PDZRN4: variants seen among roughly 807,000 people sequenced by gnomAD.
The protein encoded by PDZRN4 is PDZ domain containing ring finger 4, also known as PDZ domain-containing RING finger protein 4.
Under a neutral mutation model 99.0 loss-of-function variants are expected in PDZRN4, and 70 were observed. That is an observed-to-expected ratio of 0.71 (90% CI 0.58 to 0.86). The LOEUF (loss-of-function observed/expected upper bound fraction) is 0.86, where lower values mean the gene tolerates loss of function less well. Among genes scored for constraint, PDZRN4 ranks in the 40% least tolerant of loss-of-function variants. The pLI is 0.00. For missense variants in PDZRN4, 1,474 were observed against 1,331.2 expected, an observed-to-expected ratio of 1.11 and a Z score of -1.67; for synonymous variants, 551 against 501.6, an observed-to-expected ratio of 1.10 and a Z score of -1.32.
At chr12:41,546,239 CCTT>C (rs1302218643) in intron 5 of PDZRN4, among the ~76,000 whole-genome samples, 1 of 152,150 alleles carries the variant, frequency 6.6e-6, no homozygotes, top group African/African-American at 2.4e-5. Context: ...CCACAATTGA[CCTT>C]CTTCTGGATG....
At chr12:41,432,260 T>C (rs1436700013) in intron 3 of PDZRN4, among the ~76,000 whole-genome samples, 3 of 152,240 alleles carry the variant, frequency 2.0e-5, no homozygotes, top group Admixed American at 6.5e-5. Context: ...GTCACCGATG[T>C]TTTTCTTTCA....
rs1011573523 is a variant in PDZRN4, at chr12:41,536,557, C to T, written c.1204-16099C>T. On this transcript the variant is annotated intron_variant, in intron 5 of 9. Coordinates refer to ENST00000402685, the MANE Select transcript of PDZRN4 (RefSeq NM_001164595.2). ...CAGAATGTACAATACCAAGAGTGAA[C>T]CCTAATATCAACCATGGACTTTGAG... Among the ~76,000 whole-genome samples the T allele has an allele frequency of 3.3e-5, 5 of 152,118 alleles. No individual in the cohort carries two copies. In the South Asian group the frequency reaches 8.3e-4, roughly 25 times the overall value.
intron 3 of PDZRN4, among the ~76,000 whole-genome samples, chr12:41,330,281 GAAGA>G (rs985980340): frequency 1.3e-5 from 2 of 152,008 alleles, no homozygotes; most frequent in Admixed American, 6.6e-5. Flanking sequence ...TTCTCCAATA[GAAGA>G]AAGAGTTATC....
chr12:41,498,175 A>G (rs1240138796), intron 3 of PDZRN4, among the ~76,000 whole-genome samples: 1 of 151,962 alleles, frequency 6.6e-6, no homozygotes, highest in Non-Finnish European at 1.5e-5. Flanking sequence ...TGTTAACATC[A>G]CCAGTAATAG....
chr12:41,571,649 C>T (rs1939482931), intron 9 of PDZRN4, among the ~76,000 whole-genome samples: 1 of 152,080 alleles, frequency 6.6e-6, no homozygotes, highest in Admixed American at 6.6e-5. Flanking sequence ...ATTTAGAGTG[C>T]ACTGAGGTCA....
intron 3 of PDZRN4, among the ~76,000 whole-genome samples, chr12:41,302,571 C>A (rs1404436947): frequency 6.6e-6 from 1 of 152,074 alleles, no homozygotes; most frequent in Admixed American, 6.6e-5. Flanking sequence ...TTAAATTGTT[C>A]TCTAGGGAGT....
intron 3 of PDZRN4, among the ~76,000 whole-genome samples, chr12:41,413,521 A>T (rs1952416154): frequency 6.6e-6 from 1 of 152,154 alleles, no homozygotes; most frequent in Non-Finnish European, 1.5e-5. Flanking sequence ...AGGAGGATTG[A>T]ATGTTCCCCA....
intron 3 of PDZRN4, among the ~76,000 whole-genome samples, chr12:41,267,026 TTGCTCATGAAACTC>T (rs1192320338): frequency 2.0e-5 from 3 of 152,176 alleles, no homozygotes; most frequent in Admixed American, 6.5e-5. Flanking sequence ...AAAGCATTCT[TTGCTCATGAAACTC>T]TGCTCATGAA....
chr12:41,234,923 A>T (rs1303287467), intron 3 of PDZRN4, among the ~76,000 whole-genome samples: 4 of 152,052 alleles, frequency 2.6e-5, no homozygotes, highest in South Asian at 4.1e-4. Context: ...CTGAGGAAGG[A>T]TGCATTCCTG....
chr12:41,544,774 C>T (rs1938917896), intron 5 of PDZRN4, among the ~76,000 whole-genome samples: 1 of 152,082 alleles, frequency 6.6e-6, no homozygotes, highest in African/African-American at 2.4e-5. Context: ...ACAGTGGTAC[C>T]ATCTGGCAAT....
chr12:41,404,822 AG>A (rs1952332571), intron 3 of PDZRN4, among the ~76,000 whole-genome samples: 1 of 151,330 alleles, frequency 6.6e-6, no homozygotes, highest in Non-Finnish European at 1.5e-5. Context: ...TTAGAAATGA[AG>A]TCATACGCTT....
At chr12:41,296,855 G>T (rs1157666020) in intron 3 of PDZRN4, among the ~76,000 whole-genome samples, 3 of 152,132 alleles carry the variant, frequency 2.0e-5, no homozygotes, top group Non-Finnish European at 2.9e-5. Context: ...GCTACCAGGA[G>T]GCTGAGGTGG....
chr12:41,298,515 T>C (rs188199891), intron 3 of PDZRN4, among the ~76,000 whole-genome samples: 1 of 152,292 alleles, frequency 6.6e-6, no homozygotes, highest in East Asian at 1.9e-4. Context: ...TTCATTTTAT[T>C]TGTTTTATGA....
At chr12:41,507,329 C>G (rs993196299) in intron 4 of PDZRN4, among the ~76,000 whole-genome samples, 1 of 152,086 alleles carries the variant, frequency 6.6e-6, no homozygotes, top group Non-Finnish European at 1.5e-5. Flanking sequence ...TAAAGGAAGT[C>G]AGAGAGATTT....
At chr12:41,421,772 C>T (rs1420779572) in intron 3 of PDZRN4, among the ~76,000 whole-genome samples, 1 of 152,104 alleles carries the variant, frequency 6.6e-6, no homozygotes, top group African/African-American at 2.4e-5. Flanking sequence ...TTCTCAGCCC[C>T]TCCATTTCTG....
At chr12:41,256,536 T>A (rs1217472664) in intron 3 of PDZRN4, among the ~76,000 whole-genome samples, 1 of 152,218 alleles carries the variant, frequency 6.6e-6, no homozygotes, top group Non-Finnish European at 1.5e-5. Context: ...ACCTTCTCTT[T>A]TCTATCCTCT....
At chr12:41,263,991 C>T (rs1330416783) in intron 3 of PDZRN4, among the ~76,000 whole-genome samples, 1 of 152,130 alleles carries the variant, frequency 6.6e-6, no homozygotes, top group Non-Finnish European at 1.5e-5. Context: ...ACACCCTTGA[C>T]TTAACTTTTT....
At chr12:41,292,530 C>A (rs1951463116) in intron 3 of PDZRN4, among the ~76,000 whole-genome samples, 1 of 152,074 alleles carries the variant, frequency 6.6e-6, no homozygotes, top group African/African-American at 2.4e-5. Flanking sequence ...TTCAGGACCC[C>A]CCTTTGACTG....
intron 3 of PDZRN4, among the ~76,000 whole-genome samples, chr12:41,425,030 G>C (rs1011608943): frequency 6.6e-6 from 1 of 152,094 alleles, no homozygotes; most frequent in Non-Finnish European, 1.5e-5. Flanking sequence ...CAATTAGGAA[G>C]ATGGCATGGA....
Sources: gnomAD v4.1 joint callset for allele counts (sites outside exome capture counted in the v4.1 genomes callset) on GRCh38, gnomAD v4.1.1 for gene constraint, MANE v1.5 for transcripts, NCBI Gene and HGNC (gene_info 2026-07-23, HGNC 2026-07-21) for gene names.